Variants in LRRC72 observed in about 807,000 individuals in gnomAD.
LRRC72 encodes leucine rich repeat containing 72, also known as leucine-rich repeat-containing protein 72.
LRRC72 carries 41 observed loss-of-function variants against 35.8 expected under a neutral mutation model. The ratio of observed to expected loss-of-function variants is 1.15; its 90% CI spans 0.89 to 1.49. LRRC72 has a LOEUF of 1.49. Ranked by LOEUF, LRRC72 falls within the 40% of genes most tolerant of loss-of-function variation. The pLI, the probability that LRRC72 is intolerant of heterozygous loss-of-function variation, is 0.00. For synonymous variants in LRRC72, 118 were observed against 119.2 expected (o/e 0.99, Z 0.07); for missense variants, 389 against 330.7 (o/e 1.18, Z -1.37).
At chr7:16,557,945 T>C (rs1400689181) in intron 4 of LRRC72, among the ~76,000 whole-genome samples, 1 of 152,192 alleles carries the variant, frequency 6.6e-6, no homozygotes, top group Admixed American at 6.5e-5. Context: ...TAATATCATA[T>C]ATCATAGAAT....
At chr7:16,527,076 C>T in intron 1 of LRRC72, 34 bp downstream of exon 1, 1 of 1,510,364 alleles carries the variant, frequency 6.6e-7, no homozygotes, top group Non-Finnish European at 8.9e-7. Flanking sequence ...GCCATCAGCC[C>T]CTTTGGCCCC....
intron 7 of LRRC72, among the ~76,000 whole-genome samples, chr7:16,571,435 A>C (rs1487996218): frequency 8.4e-6 from 1 of 119,006 alleles, no homozygotes; most frequent in African/African-American, 3.2e-5. Flanking sequence ...TCCAGTCTGC[A>C]ACTCTGAGCG....
rs1782839229 is a variant in LRRC72 at position 16,566,361 on chromosome 7, T to C, written c.476T>C (p.Ile159Thr). The change falls in exon 6 of 9, where the codon ATC (isoleucine) becomes ACC (threonine). Residue 159 changes from isoleucine to threonine, a missense_variant. By Grantham distance (89) the Ile-to-Thr change is moderately conservative. Coordinates refer to ENST00000401542, the MANE Select transcript of LRRC72 (RefSeq NM_001195280.2). ...CAATATAACCTGTATCGTTTATATA[T>C]CATCTACCACCTTCCAGGAGTGGAG... ...LCQYNLYRLY[I>T]IYHLPGVELL... 6.5e-7 allele frequency: 1 copy of C among 1,547,644 alleles called. No homozygotes were observed. Among genetic ancestry groups the C allele is most frequent in the Non-Finnish European group, 8.7e-7 (1 of 1,145,900 alleles).
chr7:16,572,086 C>G (rs1382942213), intron 7 of LRRC72, among the ~76,000 whole-genome samples: 2 of 152,052 alleles, frequency 1.3e-5, no homozygotes, highest in African/African-American at 2.4e-5. Context: ...CCAGGAAGTT[C>G]AGACTTCAGG....
intron 3 of LRRC72, among the ~76,000 whole-genome samples, chr7:16,537,902 G>T (rs1782287148): frequency 6.6e-6 from 1 of 151,936 alleles, no homozygotes; most frequent in South Asian, 2.1e-4. Context: ...CATTGAATAA[G>T]GGCAATCTGT....
chr7:16,528,924 T>TTGACA (rs1357158471), intron 1 of LRRC72, among the ~76,000 whole-genome samples: 2 of 152,164 alleles, frequency 1.3e-5, no homozygotes, highest in Non-Finnish European at 1.5e-5. Context: ...TGTAAAAGCA[T>TTGACA]TGACATTGTT....
chr7:16,555,226 G>A (rs1282800494), intron 3 of LRRC72, among the ~76,000 whole-genome samples: 2 of 152,178 alleles, frequency 1.3e-5, no homozygotes, highest in Non-Finnish European at 2.9e-5. Flanking sequence ...GTCTGTGAAC[G>A]ATCAGATGAA....
intron 3 of LRRC72, among the ~76,000 whole-genome samples, chr7:16,547,332 A>AGG (rs1782465245): frequency 6.6e-6 from 1 of 152,078 alleles, no homozygotes. Context: ...AGGAGTCCCA[A>AGG]GGCAGAGCTG....
At chr7:16,573,602 T>C (rs920680033) in intron 7 of LRRC72, among the ~76,000 whole-genome samples, 5 of 152,220 alleles carry the variant, frequency 3.3e-5, no homozygotes, top group African/African-American at 1.2e-4. Context: ...GCTAGCCATA[T>C]GCAGAAAACT....
chr7:16,568,406 A>T (rs988947021), intron 7 of LRRC72, among the ~76,000 whole-genome samples: 7 of 152,242 alleles, frequency 4.6e-5, no homozygotes, highest in African/African-American at 1.4e-4. Flanking sequence ...AAATTGAATT[A>T]AAAAATAGTT....
chr7:16,556,924 G>A (rs1452273543), intron 3 of LRRC72, among the ~76,000 whole-genome samples: 2 of 152,128 alleles, frequency 1.3e-5, no homozygotes, highest in South Asian at 2.1e-4. Context: ...GGGAAATCAT[G>A]ACTCCTACAG....
At chr7:16,542,355 T>C (rs1184712250) in intron 3 of LRRC72, among the ~76,000 whole-genome samples, 1 of 152,216 alleles carries the variant, frequency 6.6e-6, no homozygotes, top group Non-Finnish European at 1.5e-5. Context: ...CTTGATTATT[T>C]ACATGCAACA....
chr7:16,559,158 C>G (rs1372260613), intron 5 of LRRC72, among the ~76,000 whole-genome samples, 159 bp downstream of exon 5: 1 of 152,160 alleles, frequency 6.6e-6, no homozygotes, highest in Non-Finnish European at 1.5e-5. Flanking sequence ...CTTAGGCAGG[C>G]TGAGGTGGGC....
chr7:16,581,253 A>G, intron 8 of LRRC72, 71 bp from the exon 9 acceptor site: 1 of 1,327,858 alleles, frequency 7.5e-7, no homozygotes, highest in South Asian at 1.8e-5. Flanking sequence ...TCATTTGAAT[A>G]AAAATTTCAT....
At chr7:16,564,693 C>T (rs1782798356) in intron 5 of LRRC72, among the ~76,000 whole-genome samples, 1 of 151,964 alleles carries the variant, frequency 6.6e-6, no homozygotes, top group Non-Finnish European at 1.5e-5. Context: ...CTCTAAAGCT[C>T]GCGTTTTCCA....
intron 7 of LRRC72, among the ~76,000 whole-genome samples, chr7:16,576,034 AT>A (rs1783034865): frequency 6.6e-6 from 1 of 152,198 alleles, no homozygotes; most frequent in African/African-American, 2.4e-5. Context: ...TAGGGAGAGT[AT>A]TTTATTGCAT....
chr7:16,556,850 T>TG (rs1362779523), intron 3 of LRRC72, among the ~76,000 whole-genome samples: 4 of 152,232 alleles, frequency 2.6e-5, no homozygotes, highest in Non-Finnish European at 1.5e-5. Flanking sequence ...TATGCCTTGC[T>TG]GGCCGACAGC....
intron 3 of LRRC72, among the ~76,000 whole-genome samples, chr7:16,554,785 A>G (rs956414538): frequency 3.3e-5 from 5 of 152,214 alleles, no homozygotes; most frequent in Non-Finnish European, 7.3e-5. Flanking sequence ...GCTCGTGGGA[A>G]AACCATGATT....
intron 3 of LRRC72, among the ~76,000 whole-genome samples, chr7:16,542,024 A>C (rs1448928305): frequency 6.6e-6 from 1 of 152,230 alleles, no homozygotes; most frequent in East Asian, 1.9e-4. Context: ...GATGAAAATC[A>C]TCAGGCATGG....
Sources: allele counts gnomAD v4.1 joint callset (sites outside exome capture counted in the v4.1 genomes callset), GRCh38; gene constraint gnomAD v4.1.1; transcripts MANE v1.5; gene names NCBI Gene and HGNC (gene_info 2026-07-23, HGNC 2026-07-21).